Variants in FSTL4 observed in about 807,000 individuals in gnomAD.
FSTL4 encodes the protein follistatin like 4.
In FSTL4, 28 loss-of-function variants were observed where a neutral mutation model predicts 78.2. The observed-to-expected ratio is 0.36, with a 90% CI of 0.27 to 0.49. The LOEUF is 0.49. Among genes scored for constraint, FSTL4 ranks in the 20% least tolerant of loss-of-function variants. FSTL4 has a pLI of 0.98. For synonymous variants in FSTL4, 422 were observed against 440.5 expected (o/e 0.96, Z 0.53); for missense variants, 922 against 1,084.9 (o/e 0.85, Z 2.11).
At chr5:133,202,313 C>T (rs1400697174) in intron 14 of FSTL4, 2 of 245,048 alleles carry the variant, frequency 8.2e-6, no homozygotes, top group Non-Finnish European at 1.6e-5. Context: ...TGCCTTGCTG[C>T]ACTTTGTCAG....
chr5:133,304,602 A>G (rs1440725352), intron 6 of FSTL4, among the ~76,000 whole-genome samples: 1 of 152,226 alleles, frequency 6.6e-6, no homozygotes, highest in Admixed American at 6.5e-5. Context: ...GCCATTGACA[A>G]CTTCCAGCTG....
the FSTL4 span, among the ~76,000 whole-genome samples, chr5:133,767,169 T>C: frequency 5.3e-5 from 8 of 151,900 alleles, no homozygotes; most frequent in Non-Finnish European, 1.2e-4. Context: ...ACTCTGGGAG[T>C]CAATGCAGAA....
At chr5:133,386,771 CG>C (rs1755709465) in intron 4 of FSTL4, among the ~76,000 whole-genome samples, 1 of 152,110 alleles carries the variant, frequency 6.6e-6, no homozygotes, top group African/African-American at 2.4e-5. Context: ...GAAATATGGA[CG>C]TTTTTCTTCC....
chr5:133,242,796 A>C (rs1751917731), intron 7 of FSTL4, among the ~76,000 whole-genome samples: 1 of 152,244 alleles, frequency 6.6e-6, no homozygotes, highest in Admixed American at 6.5e-5. Context: ...AAGTGCTTCA[A>C]ATGTAGTGTT....
At chr5:133,428,548 G>A (rs1756874474) in intron 3 of FSTL4, among the ~76,000 whole-genome samples, 2 of 152,210 alleles carry the variant, frequency 1.3e-5, no homozygotes, top group South Asian at 4.1e-4. Flanking sequence ...TCCTGGGCAT[G>A]AGACCTGTGT....
At chr5:133,808,748 T>C in the FSTL4 span, among the ~76,000 whole-genome samples, 1 of 152,112 alleles carries the variant, frequency 6.6e-6, no homozygotes, top group East Asian at 1.9e-4. Context: ...TGCACTCAGC[T>C]GCCCCTCCAT....
At chr5:133,745,158 G>A in the FSTL4 span, among the ~76,000 whole-genome samples, 1 of 152,226 alleles carries the variant, frequency 6.6e-6, no homozygotes, top group African/African-American at 2.4e-5. Flanking sequence ...ATCCTGCCAT[G>A]AGCAGAAAGG....
intron 6 of FSTL4, among the ~76,000 whole-genome samples, chr5:133,305,510 G>A (rs141541618): frequency 7.9e-5 from 12 of 152,252 alleles, no homozygotes; most frequent in African/African-American, 2.9e-4. Context: ...CCACTCCGAT[G>A]TCCCTTCCTG....
intron 3 of FSTL4, among the ~76,000 whole-genome samples, chr5:133,550,822 C>A (rs1330941263): frequency 6.6e-6 from 1 of 152,140 alleles, no homozygotes; most frequent in African/African-American, 2.4e-5. Context: ...AGGATAAAGT[C>A]CCAATGTAAT....
the FSTL4 span, among the ~76,000 whole-genome samples, chr5:133,802,362 C>A: frequency 6.6e-6 from 1 of 152,158 alleles, no homozygotes; most frequent in African/African-American, 2.4e-5. Flanking sequence ...CAACATAAAA[C>A]CCATGCAGCT....
intron 7 of FSTL4, among the ~76,000 whole-genome samples, chr5:133,243,411 G>A (rs1469460786): frequency 6.6e-6 from 1 of 152,244 alleles, no homozygotes; most frequent in African/African-American, 2.4e-5. Flanking sequence ...CTCAGAGCAT[G>A]TTGCTTCCTT....
intron 6 of FSTL4, among the ~76,000 whole-genome samples, chr5:133,285,277 A>C (rs1391224031): frequency 6.6e-6 from 1 of 152,236 alleles, no homozygotes; most frequent in Non-Finnish European, 1.5e-5. Flanking sequence ...GACAAATGGA[A>C]ATCTTGATGG....
the FSTL4 span, among the ~76,000 whole-genome samples, chr5:133,637,220 C>T: frequency 6.6e-6 from 1 of 152,002 alleles, no homozygotes; most frequent in Non-Finnish European, 1.5e-5. Flanking sequence ...TCTCTCTTCT[C>T]TGTCTTGTGC....
At chr5:133,698,512 G>A in the FSTL4 span, among the ~76,000 whole-genome samples, 1 of 152,262 alleles carries the variant, frequency 6.6e-6, no homozygotes, top group Non-Finnish European at 1.5e-5. Flanking sequence ...ACATGATGGA[G>A]CCGTTGTGAC....
the FSTL4 span, among the ~76,000 whole-genome samples, chr5:133,781,366 TGTGTGTG>T: frequency 0.013 from 6 of 472 alleles, no homozygotes; most frequent in Non-Finnish European, 0.025. Context: ...GTTAAGCGGT[TGTGTGTG>T]TGTGTGTGTG....
At chr5:133,230,848 C>T (rs1751472359) in intron 8 of FSTL4, among the ~76,000 whole-genome samples, 1 of 152,190 alleles carries the variant, frequency 6.6e-6, no homozygotes, top group South Asian at 2.1e-4. Context: ...CTGTCATTAG[C>T]AACATCTCCC....
chr5:133,299,740 T>A (rs1383239898), intron 6 of FSTL4, among the ~76,000 whole-genome samples: 1 of 152,088 alleles, frequency 6.6e-6, no homozygotes, highest in Non-Finnish European at 1.5e-5. Context: ...CCTCCTTGTG[T>A]CTGGGAAGGT....
intron 4 of FSTL4, among the ~76,000 whole-genome samples, chr5:133,392,326 A>G (rs548370652): frequency 6.6e-6 from 1 of 152,230 alleles, no homozygotes; most frequent in East Asian, 1.9e-4. Context: ...AGAGAGCCCC[A>G]GGGGAAATAC....
At chr5:133,564,289 CT>C (rs1433145742) in intron 3 of FSTL4, among the ~76,000 whole-genome samples, 1 of 152,124 alleles carries the variant, frequency 6.6e-6, no homozygotes, top group Non-Finnish European at 1.5e-5. Flanking sequence ...TTTGACATGT[CT>C]TTTTGGGGAA....
Sources: allele counts gnomAD v4.1 joint callset (sites outside exome capture counted in the v4.1 genomes callset), GRCh38; gene constraint gnomAD v4.1.1; transcripts MANE v1.5; gene names NCBI Gene and HGNC (gene_info 2026-07-23, HGNC 2026-07-21).